Variants in AP1M1 observed in about 807,000 individuals in gnomAD.
The protein encoded by AP1M1 is adaptor related protein complex 1 subunit mu 1.
In AP1M1, 18 loss-of-function variants were observed where a neutral mutation model predicts 57.1. That is an observed-to-expected ratio of 0.32 (90% CI 0.22 to 0.47). The LOEUF is 0.47. Among genes scored for constraint, AP1M1 ranks in the 20% least tolerant of loss-of-function variants. The pLI, the probability that AP1M1 is intolerant of heterozygous loss-of-function variation, is 1.00. For missense variants in AP1M1, 362 were observed against 593.5 expected (o/e 0.61, Z 4.05); for synonymous variants, 241 against 237.9 (o/e 1.01, Z -0.12).
intron 5 of AP1M1, among the ~76,000 whole-genome samples, chr19:16,212,136 C>T (rs285271): frequency 0.031 from 4,675 of 152,104 alleles, 248 homozygotes; most frequent in African/African-American, 0.11. Flanking sequence ...GGGAGGAGTC[C>T]CTCCTCCTCC....
Position 16,235,620 on chromosome 19 carries a change from C to A in AP1M1, c.*1185C>A. ...TCAGATGGCCAACAGCTTGTCCCCA[C>A]CTCTCCCCAAACTGATGGCCCACTC... On this transcript the variant is annotated 3_prime_UTR_variant, in exon 12 of 12. Transcript: ENST00000291439. The A allele has an allele frequency of 6.6e-6, 1 of 152,514 alleles. No individual in the cohort carries two copies. The allele number at this position is 152,514 out of a possible 1,614,324, so 9.4% of individuals were successfully genotyped here.
chr19:16,201,136 C>T (rs1179368392), intron 1 of AP1M1, among the ~76,000 whole-genome samples: 1 of 152,132 alleles, frequency 6.6e-6, no homozygotes, highest in Admixed American at 6.6e-5. Flanking sequence ...ACGTTATCCT[C>T]GCCTCCTTTG....
chr19:16,199,240 G>C (rs1382159887), intron 1 of AP1M1, among the ~76,000 whole-genome samples: 1 of 152,178 alleles, frequency 6.6e-6, no homozygotes, highest in African/African-American at 2.4e-5. Context: ...GCCTCAGCCC[G>C]AGGATGAGAG....
At chr19:16,231,188 T>C (rs1320302219) in intron 9 of AP1M1, among the ~76,000 whole-genome samples, 1 of 149,268 alleles carries the variant, frequency 6.7e-6, no homozygotes, top group Non-Finnish European at 1.5e-5. Flanking sequence ...CTCGGGAGGC[T>C]GAGGTGGGAG....
Position 16,243,255 on chromosome 19 carries a change from T to C in AP1M1, c.*8820T>C, listed in dbSNP as rs931231495. 6.9e-6 allele frequency: 1 copy of C among 145,222 alleles called. No homozygotes were observed. The highest frequency in any genetic ancestry group is 1.5e-5 in the Non-Finnish European group (1 of 67,636). 9.0% of individuals were successfully genotyped at this position (145,222 alleles called of 1,614,324 possible). A position where few individuals can be genotyped will look rare whatever the true frequency, so the allele number is the denominator to read the frequency against. On this transcript the variant is annotated 3_prime_UTR_variant, in exon 12 of 12. Transcript: ENST00000291439. ...CCAAATATGAGAGGTTTTTTTTGTT[T>C]TTGTTTTTGTTTTTGTTTTTGTTTT...
chr19:16,245,807 ATTGT>A lies in AP1M1; in HGVS notation c.*11377_*11380del, dbSNP rs372831348. On this transcript the variant is annotated 3_prime_UTR_variant, in exon 12 of 12. Transcript: ENST00000291439. The stretch of plus-strand genomic sequence containing the variant: ...TATGTCCTCTCTGGATTTATTACAG[ATTGT>A]TTGTGGCTTTTAAAAAAAGTCATTG... 5.1e-4 allele frequency: 78 copies of A among 152,018 alleles called. 1 individual carries two copies. In the East Asian group the frequency reaches 0.011, roughly 21 times the overall value. 9.4% of individuals were successfully genotyped at this position (152,018 alleles called of 1,614,324 possible).
rs1382629246 is a variant in AP1M1 at position 16,237,993 on chromosome 19, C to T, written c.*3558C>T. ...AGCTGGGACTACAAGCACATGCCAC[C>T]ATGCTGGGCCAATTTTTCATATTTT... On this transcript the variant is annotated 3_prime_UTR_variant, in exon 12 of 12. Transcript: ENST00000291439. 1 of 152,054 alleles carries T rather than the reference C, an allele frequency of 6.6e-6. No homozygotes were observed. Among genetic ancestry groups the T allele is most frequent in the Non-Finnish European group, 1.5e-5 (1 of 68,008 alleles). 9.4% of individuals were successfully genotyped at this position (152,054 alleles called of 1,614,324 possible).
chr19:16,200,104 T>C (rs1414893322), intron 1 of AP1M1, among the ~76,000 whole-genome samples: 3 of 152,106 alleles, frequency 2.0e-5, no homozygotes, highest in African/African-American at 7.2e-5. Flanking sequence ...GCACCACCCA[T>C]GGTCCATGTT....
chr19:16,204,564 TG>T (rs2091461744), intron 2 of AP1M1, among the ~76,000 whole-genome samples: 1 of 152,154 alleles, frequency 6.6e-6, no homozygotes, highest in African/African-American at 2.4e-5. Flanking sequence ...CCCTTTCCTG[TG>T]TTCTTGGAGA....
At chr19:16,216,091 T>C (rs189722799) in intron 5 of AP1M1, among the ~76,000 whole-genome samples, 7 of 152,288 alleles carry the variant, frequency 4.6e-5, no homozygotes, top group South Asian at 2.1e-4. Context: ...ATTCTTAGCC[T>C]CCTTAGATTG....
chr19:16,229,645 C>T (rs2091587645), intron 9 of AP1M1, among the ~76,000 whole-genome samples: 1 of 152,210 alleles, frequency 6.6e-6, no homozygotes, highest in Non-Finnish European at 1.5e-5. Flanking sequence ...GGAAATGCTG[C>T]AATTCAAGTG....
Position 16,242,437 on chromosome 19 carries a change from G to T in AP1M1, c.*8002G>T, listed in dbSNP as rs1310193261. ...TGGGACACCCCTAGCATCTCTGGCT[G>T]CAGAAAGCATAAAATAAGATTGTAG... On this transcript the variant is annotated 3_prime_UTR_variant, in exon 12 of 12. Coordinates refer to ENST00000291439, the MANE Select transcript of AP1M1 (RefSeq NM_032493.4). The T allele has an allele frequency of 6.6e-6, 1 of 152,200 alleles. No individual in the cohort carries two copies. The highest frequency in any genetic ancestry group is 2.4e-5 in the African/African-American group (1 of 41,440). 9.4% of individuals were successfully genotyped at this position (152,200 alleles called of 1,614,324 possible).
chr19:16,210,624 A>G (rs993707994), intron 5 of AP1M1, among the ~76,000 whole-genome samples: 1 of 152,220 alleles, frequency 6.6e-6, no homozygotes, highest in African/African-American at 2.4e-5. Flanking sequence ...CAATGGCACT[A>G]TCTCCATTCA....
chr19:16,238,938 T>TTC lies in AP1M1; in HGVS notation c.*4504_*4505insCT, dbSNP rs1460408864. Reference sequence around the variant, plus strand: ...TAGTTTTTTTGTTTTTTGTTTTTGTTTTTGTTTTTTTTGAGACAGAGTTTT... The same window carrying TTC: ...TAGTTTTTTTGTTTTTTGTTTTTGTTTCTTTGTTTTTTTTGAGACAGAGTTTT... On this transcript the variant is annotated 3_prime_UTR_variant, in exon 12 of 12. Transcript: ENST00000291439. The TTC allele has an allele frequency of 6.5e-6, 1 of 152,978 alleles. No homozygotes were observed. The highest frequency in any genetic ancestry group is 2.4e-5 in the African/African-American group (1 of 41,270). The allele number at this position is 152,978 out of a possible 1,614,324, so 9.5% of individuals were successfully genotyped here.
At position 16,228,681 on chromosome 19, in the gene AP1M1, C is replaced by A; in HGVS notation, c.889-89C>A. The A allele has an allele frequency of 1.3e-6, 2 of 1,498,344 alleles. No homozygotes were observed. Among genetic ancestry groups the A allele is most frequent in the East Asian group, 2.3e-5 (1 of 43,006 alleles). The allele number at this position is 1,498,344 out of a possible 1,614,324, so 92.8% of individuals were successfully genotyped here. On this transcript the variant is annotated intron_variant, in intron 8 of 11. Coordinates refer to ENST00000291439, the MANE Select transcript of AP1M1 (RefSeq NM_032493.4). This position sits in a 1 kb window ranked among gnomAD's most constrained non-coding sequence, Gnocchi z 5.0. The stretch of plus-strand genomic sequence containing the variant: ...AGGGGCGGGGCTAGGGAGGATCCCC[C>A]GGGCCAGGCTGAGGGGCATGTGTCC...
chr19:16,208,164 G>A lies in AP1M1; in HGVS notation c.398+15G>A, dbSNP rs199694828. 2.5e-6 allele frequency: 4 copies of A among 1,608,652 alleles called. No individual in the cohort carries two copies. The highest frequency in any genetic ancestry group is 2.2e-5 in the East Asian group (1 of 44,804). On this transcript the variant is annotated intron_variant, in intron 4 of 11. Transcript: ENST00000291439. ...ATCCTGCAGGAGTGAGTGGGCAGGG[G>A]TGGGGCCTGGGGCCAGGCCTGGGCG...
At position 16,227,782 on chromosome 19, in the gene AP1M1, C is replaced by T; in HGVS notation, c.816+92C>T. 6.8e-7 allele frequency: 1 copy of T among 1,474,414 alleles called. No homozygotes were observed. The highest frequency in any genetic ancestry group is 9.3e-7 in the Non-Finnish European group (1 of 1,079,312). The allele number at this position is 1,474,414 out of a possible 1,614,324, so 91.3% of individuals were successfully genotyped here. The stretch of plus-strand genomic sequence containing the variant: ...AGCCCAGGCAGGCGCCAGGGCCAGC[C>T]CCACCCCACGCTCCATGAGCTGCCT... On this transcript the variant is annotated intron_variant, in intron 7 of 11. Transcript: ENST00000291439. This position sits in a 1 kb window ranked among gnomAD's most constrained non-coding sequence, Gnocchi z 6.2.
At position 16,228,443 on chromosome 19, in the gene AP1M1, C is replaced by T. The variant is rs1197514848; in HGVS notation, c.888+235C>T. ...CCAGGACACTCCCAGAGGTGTTGCC[C>T]CCAGGTGGAGCACCTCTGCCCCTCA... On this transcript the variant is annotated intron_variant, in intron 8 of 11. Transcript: ENST00000291439. This position sits in a 1 kb window ranked among gnomAD's most constrained non-coding sequence, Gnocchi z 5.0. 6.6e-6 allele frequency among the ~76,000 whole-genome samples: 1 copy of T among 152,172 alleles called. No homozygotes were observed. The highest frequency in any genetic ancestry group is 2.4e-5 in the African/African-American group (1 of 41,452).
chr19:16,226,602 C>G, intron 6 of AP1M1, 55 bp downstream of exon 6: 3 of 1,530,242 alleles, frequency 2.0e-6, no homozygotes, highest in Non-Finnish European at 2.6e-6. Context: ...CAGGCACACA[C>G]ATTACAGCCT....
Sources: allele counts gnomAD v4.1 joint callset (sites outside exome capture counted in the v4.1 genomes callset), GRCh38; gene constraint gnomAD v4.1.1; non-coding constraint Gnocchi (gnomAD v3.1); transcripts MANE v1.5; gene names NCBI Gene and HGNC (gene_info 2026-07-23, HGNC 2026-07-21).